DSTYK: variants seen among roughly 807,000 people sequenced by gnomAD.
DSTYK encodes the protein RIP-homologous kinase.
A neutral mutation model predicts 98.7 loss-of-function variants in DSTYK; 34 were observed. The observed-to-expected ratio is 0.34, with a 90% confidence interval of 0.26 to 0.46. The LOEUF is 0.46. Among genes scored for constraint, DSTYK ranks in the 20% least tolerant of loss-of-function variants. The pLI is 1.00. For synonymous variants in DSTYK, 462 were observed against 457.3 expected, an observed-to-expected ratio of 1.01 and a Z score of -0.13; for missense variants, 962 against 1,181.7, an observed-to-expected ratio of 0.81 and a Z score of 2.73.
chr1:205,174,832 G>A (rs141146957), intron 2 of DSTYK, among the ~76,000 whole-genome samples: 4,903 of 147,282 alleles, frequency 0.033, 239 homozygotes, highest in African/African-American at 0.11. Context: ...CCGCCTCCCA[G>A]GTTCAAGCGA....
chr1:205,165,391 A>G (rs912827255), intron 3 of DSTYK, among the ~76,000 whole-genome samples: 8 of 152,178 alleles, frequency 5.3e-5, no homozygotes, highest in Admixed American at 3.9e-4. Context: ...GCCGCCGGCC[A>G]GGAATTTTAT....
intron 2 of DSTYK, among the ~76,000 whole-genome samples, chr1:205,172,752 A>C (rs1180977986): frequency 6.6e-6 from 1 of 152,210 alleles, no homozygotes; most frequent in Non-Finnish European, 1.5e-5. Context: ...CTAAAGCTCA[A>C]AGTGCTTTTA....
chr1:205,167,504 CAA>C (rs1657924877), intron 3 of DSTYK, among the ~76,000 whole-genome samples: 2 of 152,220 alleles, frequency 1.3e-5, no homozygotes, highest in East Asian at 3.9e-4. Context: ...ACAGACAAAT[CAA>C]AGACATTCCA....
At chr1:205,200,346 G>GT (rs34119249) in intron 1 of DSTYK, among the ~76,000 whole-genome samples, 73,214 of 151,822 alleles carry the variant, frequency 0.48, 20,971 homozygotes, top group Non-Finnish European at 0.63. Context: ...CCAATTTTTT[G>GT]TATTTTTAAT....
intron 6 of DSTYK, 105 bp from the exon 7 acceptor site, chr1:205,161,492 G>A (rs1657718491): frequency 3.4e-6 from 4 of 1,182,502 alleles, no homozygotes; most frequent in Admixed American, 2.6e-5. Flanking sequence ...ATAATTGTGA[G>A]AATTAAACAA....
At chr1:205,208,310 G>T (rs1178388419) in intron 1 of DSTYK, among the ~76,000 whole-genome samples, 1 of 152,164 alleles carries the variant, frequency 6.6e-6, no homozygotes, top group South Asian at 2.1e-4. Flanking sequence ...GTGAAAGTGA[G>T]ACAATAAAAA....
chr1:205,211,501 G>T lies in DSTYK; in HGVS notation c.35C>A (p.Pro12His). 1 of 1,574,070 alleles carries T rather than the reference G, an allele frequency of 6.4e-7. No homozygotes were observed. The change falls in exon 1 of 13, where the codon CCC (proline) becomes CAC (histidine). Residue 12 changes from proline to histidine, a missense_variant. Coordinates refer to ENST00000367162, the MANE Select transcript of DSTYK (RefSeq NM_015375.3). ...EGDGVPWGSE[P>H]VSGPGPGGGG... Reference sequence around the variant, plus strand: ...GCCGCCGGGGCCGGGACCCGAGACGGGCTCGCTGCCCCATGGCACCCCGTC... The same window carrying T: ...GCCGCCGGGGCCGGGACCCGAGACGTGCTCGCTGCCCCATGGCACCCCGTC...
rs181375974 is a variant in DSTYK, at chr1:205,173,185, G to A, written c.655-3353C>T. On this transcript the variant is annotated intron_variant, in intron 2 of 12. Coordinates refer to ENST00000367162, the MANE Select transcript of DSTYK (RefSeq NM_015375.3). ...GGGGTGGGCAGATCGTTTGAGGTCA[G>A]GAGTTCAAGACCAGCCTGGCCAATA... 18 of 152,220 alleles carry A rather than the reference G, an allele frequency of 1.2e-4. No homozygotes were observed. The East Asian group carries it at 2.3e-3, about 20-fold the overall frequency. 9.4% of individuals were successfully genotyped at this position (152,220 alleles called of 1,614,324 possible).
At position 205,150,803 on chromosome 1, in the gene DSTYK, A is replaced by G. The variant is rs1251107559; in HGVS notation, c.2353-9T>C. The G allele has an allele frequency of 6.2e-7, 1 of 1,611,286 alleles. No individual in the cohort carries two copies. The highest frequency in any genetic ancestry group is 1.3e-5 in the African/African-American group (1 of 74,866). On this transcript the variant is annotated splice_polypyrimidine_tract_variant and intron_variant, in intron 10 of 12. Coordinates refer to ENST00000367162, the MANE Select transcript of DSTYK (RefSeq NM_015375.3). The surrounding 1 kb of genome is among the most constrained non-coding windows in gnomAD (Gnocchi z 4.1). ...CGGTTCTGCTTATCCAGCTGCCAACAAAGCAGGGCAAGAGTCACCTTGTTT... is the reference window on the plus strand; with the variant it reads ...CGGTTCTGCTTATCCAGCTGCCAACGAAGCAGGGCAAGAGTCACCTTGTTT...
chr1:205,171,721 T>C (rs1238436283), intron 2 of DSTYK, among the ~76,000 whole-genome samples: 1 of 152,162 alleles, frequency 6.6e-6, no homozygotes, highest in Admixed American at 6.5e-5. Flanking sequence ...ATTACCACTG[T>C]AGGTACACAG....
chr1:205,177,786 G>A (rs1367454686), intron 2 of DSTYK, among the ~76,000 whole-genome samples: 1 of 151,784 alleles, frequency 6.6e-6, no homozygotes, highest in Non-Finnish European at 1.5e-5. Context: ...AGAATCGCTT[G>A]AACCCAGGAG....
intron 10 of DSTYK, 37 bp downstream of exon 10, chr1:205,157,236 G>A (rs769550887): frequency 6.4e-7 from 1 of 1,560,796 alleles, no homozygotes; most frequent in East Asian, 2.2e-5. Context: ...CAGCCACAGA[G>A]GTAGGGTATA....
At position 205,147,411 on chromosome 1, in the gene DSTYK, C is replaced by T; in HGVS notation, c.*147G>A. Reference sequence around the variant, plus strand: ...CAACTCTTCACTGTCCAGGAGTCATCCCTGCCTGGGAAGGTTCCAAGTTTC... The same window carrying T: ...CAACTCTTCACTGTCCAGGAGTCATTCCTGCCTGGGAAGGTTCCAAGTTTC... On this transcript the variant is annotated 3_prime_UTR_variant, in exon 13 of 13. Transcript: ENST00000367162. 1 of 812,416 alleles carries T rather than the reference C, an allele frequency of 1.2e-6. No individual in the cohort carries two copies. The highest frequency in any genetic ancestry group is 2.1e-5 in the South Asian group (1 of 47,842). The allele number at this position is 812,416 out of a possible 1,614,324, so 50.3% of individuals were successfully genotyped here. A position where few individuals can be genotyped will look rare whatever the true frequency, so the allele number is the denominator to read the frequency against.
At chr1:205,203,319 C>T (rs11800293) in intron 1 of DSTYK, among the ~76,000 whole-genome samples, 1,607 of 146,970 alleles carry the variant, frequency 0.011, 25 homozygotes, top group African/African-American at 0.038. Flanking sequence ...CCCGTCTCTA[C>T]CAAAAAAAAA....
chr1:205,151,033 C>T (rs1291808535), intron 10 of DSTYK, among the ~76,000 whole-genome samples: 1 of 152,200 alleles, frequency 6.6e-6, no homozygotes, highest in Non-Finnish European at 1.5e-5. Context: ...CAAACCTGTA[C>T]AGCGTATTAC....
chr1:205,165,175 C>A (rs1657851617), intron 3 of DSTYK, among the ~76,000 whole-genome samples: 1 of 152,134 alleles, frequency 6.6e-6, no homozygotes, highest in Admixed American at 6.5e-5. Context: ...CTCACTGCAA[C>A]CTCCGCCTTC....
intron 1 of DSTYK, among the ~76,000 whole-genome samples, chr1:205,203,176 A>T (rs1659091804): frequency 6.6e-6 from 1 of 152,016 alleles, no homozygotes; most frequent in Non-Finnish European, 1.5e-5. Flanking sequence ...AAAGGCAATA[A>T]TATTTTCTCT....
At position 205,164,216 on chromosome 1, in the gene DSTYK, G is replaced by A. The variant is rs538486397; in HGVS notation, c.1325-261C>T. On this transcript the variant is annotated intron_variant, in intron 3 of 12. Coordinates refer to ENST00000367162, the MANE Select transcript of DSTYK (RefSeq NM_015375.3). ...GCCTGTAATTCCAAAACTTTGGGAG[G>A]CTGAGGCAGGAGGATTGCTTGAGCC... 3.3e-5 allele frequency among the ~76,000 whole-genome samples: 5 copies of A among 152,248 alleles called. No individual in the cohort carries two copies. In the South Asian group the frequency reaches 6.2e-4, roughly 19 times the overall value.
intron 11 of DSTYK, among the ~76,000 whole-genome samples, chr1:205,149,792 A>C (rs1411296683): frequency 6.6e-6 from 1 of 152,112 alleles, no homozygotes; most frequent in Admixed American, 6.6e-5. Flanking sequence ...TTTCAAACTC[A>C]ATGTATTTTA....
Sources: allele counts gnomAD v4.1 joint callset (sites outside exome capture counted in the v4.1 genomes callset), GRCh38; gene constraint gnomAD v4.1.1; non-coding constraint Gnocchi (gnomAD v3.1); transcripts MANE v1.5; gene names NCBI Gene and HGNC (gene_info 2026-07-23, HGNC 2026-07-21).